Variants in DCDC1 observed in about 807,000 individuals in gnomAD.
DCDC1 encodes the protein doublecortin domain containing 1, also known as doublecortin domain-containing protein 1.
DCDC1 carries 200 observed loss-of-function variants against 178.3 expected under a neutral mutation model. The ratio of observed to expected loss-of-function variants is 1.12; its 90% CI spans 1.00 to 1.26. DCDC1 has a LOEUF of 1.26. Ranked by LOEUF, DCDC1 falls within the 50% of genes most tolerant of loss-of-function variation. DCDC1 has a pLI of 0.00. For synonymous variants in DCDC1, 690 were observed against 604.8 expected (o/e 1.14, Z -2.07); for missense variants, 1,983 against 1,749.2 (o/e 1.13, Z -2.38).
chr11:31,089,861 A>G (rs188488611), intron 17 of DCDC1, among the ~76,000 whole-genome samples: 1 of 152,300 alleles, frequency 6.6e-6, no homozygotes, highest in East Asian at 1.9e-4. Flanking sequence ...CAGTTAAAAC[A>G]GCTGCTTTAA....
At chr11:31,166,766 A>G (rs879726870) in intron 9 of DCDC1, among the ~76,000 whole-genome samples, 5 of 152,226 alleles carry the variant, frequency 3.3e-5, no homozygotes, top group Non-Finnish European at 7.3e-5. Flanking sequence ...GAATTTCCCA[A>G]CCATTTTTGC....
intron 3 of DCDC1, among the ~76,000 whole-genome samples, chr11:31,324,575 G>C (rs1338294877): frequency 6.6e-6 from 1 of 152,042 alleles, no homozygotes; most frequent in Non-Finnish European, 1.5e-5. Context: ...ATAATTTCTT[G>C]GGTAGCAGGA....
At chr11:31,280,801 C>G (rs1946368420) in intron 7 of DCDC1, 1 of 615,710 alleles carries the variant, frequency 1.6e-6, no homozygotes, top group Non-Finnish European at 3.1e-6. Flanking sequence ...TCAGTGTATC[C>G]TCTCCCCAGG....
At chr11:30,971,445 T>C (rs1949772079) in intron 20 of DCDC1, among the ~76,000 whole-genome samples, 1 of 151,646 alleles carries the variant, frequency 6.6e-6, no homozygotes. Flanking sequence ...CAAATATAAA[T>C]GAGAAATTTA....
chr11:31,119,410 T>C (rs1404820363), intron 11 of DCDC1, among the ~76,000 whole-genome samples: 1 of 152,224 alleles, frequency 6.6e-6, no homozygotes, highest in East Asian at 1.9e-4. Context: ...TCCCATTGTT[T>C]ACTCAAATAA....
chr11:31,139,004 G>A (rs1337123188), intron 9 of DCDC1, among the ~76,000 whole-genome samples: 12 of 151,868 alleles, frequency 7.9e-5, no homozygotes, highest in Admixed American at 7.9e-4. Context: ...TAAAGGGCCA[G>A]ATCGTAAATA....
intron 7 of DCDC1, among the ~76,000 whole-genome samples, chr11:31,272,682 C>G (rs1945656248): frequency 6.6e-6 from 1 of 152,204 alleles, no homozygotes; most frequent in Non-Finnish European, 1.5e-5. Context: ...CCTTTGACTC[C>G]ATGTCTCACA....
chr11:31,018,340 T>C (rs150299591), intron 20 of DCDC1, among the ~76,000 whole-genome samples: 25 of 152,230 alleles, frequency 1.6e-4, no homozygotes, highest in African/African-American at 6.0e-4. Context: ...GAAAACGTTG[T>C]CATGTTTTTA....
chr11:31,352,336 G>A (rs565475920), intron 1 of DCDC1, among the ~76,000 whole-genome samples: 13 of 152,120 alleles, frequency 8.5e-5, no homozygotes, highest in Admixed American at 5.2e-4. Flanking sequence ...AAGAGAAATC[G>A]TTTATTTATT....
intron 9 of DCDC1, among the ~76,000 whole-genome samples, chr11:31,237,362 G>T (rs1337817951): frequency 6.6e-6 from 1 of 151,768 alleles, no homozygotes; most frequent in Non-Finnish European, 1.5e-5. Flanking sequence ...CTGCAATATT[G>T]TTACAATTTA....
Position 31,114,041 on chromosome 11 carries a change from G to A in DCDC1, c.1486-3680C>T, listed in dbSNP as rs551000927. Among the ~76,000 whole-genome samples the A allele has an allele frequency of 3.9e-5, 6 of 152,146 alleles. No homozygotes were observed. The South Asian group carries it at 6.2e-4, about 16-fold the overall frequency. ...GTGCACCAATCAGAAAACAGTACAC[G>A]ATAAGGTCAACAGGCAGTAGCTATC... On this transcript the variant is annotated intron_variant, in intron 11 of 38. Transcript: ENST00000684477.
intron 4 of DCDC1, among the ~76,000 whole-genome samples, chr11:31,306,688 T>C (rs55937626): frequency 0.31 from 46,464 of 151,504 alleles, 8,074 homozygotes; most frequent in Non-Finnish European, 0.38. Flanking sequence ...CCTTTTAAAA[T>C]ATATATATAT....
At chr11:31,149,587 T>A (rs1964932009) in intron 9 of DCDC1, among the ~76,000 whole-genome samples, 1 of 152,082 alleles carries the variant, frequency 6.6e-6, no homozygotes, top group Non-Finnish European at 1.5e-5. Flanking sequence ...CAATTAATGT[T>A]GCTGCTGCTC....
At chr11:31,034,493 T>A (rs796796938) in intron 20 of DCDC1, among the ~76,000 whole-genome samples, 12 of 152,290 alleles carry the variant, frequency 7.9e-5, no homozygotes, top group African/African-American at 2.9e-4. Context: ...CTTATACAGG[T>A]GTCTCATTTT....
At chr11:30,983,108 C>T (rs968178519) in intron 20 of DCDC1, among the ~76,000 whole-genome samples, 1 of 151,920 alleles carries the variant, frequency 6.6e-6, no homozygotes, top group African/African-American at 2.4e-5. Context: ...AAGAAAATGT[C>T]TTTTATGTGC....
intron 38 of DCDC1, among the ~76,000 whole-genome samples, chr11:30,871,513 A>AACATTC (rs1279406986): frequency 6.6e-6 from 1 of 152,170 alleles, no homozygotes. Context: ...TGTCTAGTCC[A>AACATTC]ACATTCACAT....
intron 20 of DCDC1, among the ~76,000 whole-genome samples, chr11:30,980,046 G>T (rs1418648071): frequency 6.6e-6 from 1 of 152,142 alleles, no homozygotes. Context: ...ATTTGTCACA[G>T]CTTGATATTG....
At position 31,190,239 on chromosome 11, in the gene DCDC1, A is replaced by T. The variant is rs1334705124; in HGVS notation, c.1221+51211T>A. ...ACTTATTATATTATCTGATCATCCA[A>T]ACAACCAAAAGGTTAGTTACATTAT... On this transcript the variant is annotated intron_variant, in intron 9 of 38. Coordinates refer to ENST00000684477, the MANE Select transcript of DCDC1 (RefSeq NM_001387274.1). Among the ~76,000 whole-genome samples, 11 of 152,268 alleles carry T rather than the reference A, an allele frequency of 7.2e-5. No homozygotes were observed. In the East Asian group the frequency reaches 2.1e-3, roughly 29 times the overall value.
intron 21 of DCDC1, among the ~76,000 whole-genome samples, chr11:30,949,856 G>A (rs569531587): frequency 1.3e-5 from 2 of 151,988 alleles, no homozygotes; most frequent in African/African-American, 2.4e-5. Context: ...GGCCTGTCGG[G>A]GGGTGGGGGC....
Sources: allele counts gnomAD v4.1 joint callset (sites outside exome capture counted in the v4.1 genomes callset), GRCh38; gene constraint gnomAD v4.1.1; transcripts MANE v1.5; gene names NCBI Gene and HGNC (gene_info 2026-07-23, HGNC 2026-07-21).